Variants in SNTG2 observed in about 807,000 individuals in gnomAD.
The protein encoded by SNTG2 is gamma-2-syntrophin.
A neutral mutation model predicts 70.9 loss-of-function variants in SNTG2; 74 were observed. That is an observed-to-expected ratio of 1.04 (90% CI 0.86 to 1.27). The LOEUF is 1.27. Ranked by LOEUF, SNTG2 falls within the 50% of genes most tolerant of loss-of-function variation. The probability of loss-of-function intolerance (pLI) is 0.00; values close to 1 mark genes in which losing one functional copy is unlikely to be tolerated. For synonymous variants in SNTG2, 278 were observed against 273.8 expected (o/e 1.02, Z -0.15); for missense variants, 717 against 690.7 (o/e 1.04, Z -0.43).
chr2:1,000,563 T>C (rs1402288212), intron 1 of SNTG2, among the ~76,000 whole-genome samples: 1 of 151,702 alleles, frequency 6.6e-6, no homozygotes, highest in Non-Finnish European at 1.5e-5. Flanking sequence ...CCTCTCAATA[T>C]TGAACCAGGA....
At chr2:1,347,930 G>A (rs1464669818) in intron 16 of SNTG2, among the ~76,000 whole-genome samples, 1 of 151,752 alleles carries the variant, frequency 6.6e-6, no homozygotes, top group Non-Finnish European at 1.5e-5. Flanking sequence ...GTAGCTTATG[G>A]TATTTAATTT....
intron 14 of SNTG2, among the ~76,000 whole-genome samples, chr2:1,288,836 CACTT>C (rs1679875115): frequency 6.6e-6 from 1 of 152,128 alleles, no homozygotes; most frequent in Non-Finnish European, 1.5e-5. Context: ...TTTGTGTACA[CACTT>C]ACACCTATGC....
intron 16 of SNTG2, among the ~76,000 whole-genome samples, chr2:1,320,534 C>CAAA (rs35391780): frequency 1.1e-4 from 10 of 89,440 alleles, no homozygotes; most frequent in East Asian, 4.0e-4. Context: ...GACTCCTTCT[C>CAAA]AAAAAAAAAA....
intron 6 of SNTG2, among the ~76,000 whole-genome samples, chr2:1,143,591 AAT>A (rs1668893970): frequency 6.6e-6 from 1 of 151,466 alleles, no homozygotes; most frequent in African/African-American, 2.4e-5. Context: ...ATATTTGGCC[AAT>A]GTCAGTGACT....
chr2:1,293,802 A>C (rs1198868184), intron 14 of SNTG2, among the ~76,000 whole-genome samples: 1 of 152,164 alleles, frequency 6.6e-6, no homozygotes, highest in Non-Finnish European at 1.5e-5. Context: ...TGATATCTAC[A>C]TGGGAGAAGT....
At position 1,125,194 on chromosome 2, in the gene SNTG2, C is replaced by A. The variant is rs6548191; in HGVS notation, c.326-12428C>A. ...TTATTTAAAAGTCTTCATTTTAATA[C>A]GCTAAATATTCAGTTACTATAAATA... On this transcript the variant is annotated intron_variant, in intron 4 of 16. Coordinates refer to ENST00000308624, the MANE Select transcript of SNTG2 (RefSeq NM_018968.4). Among the ~76,000 whole-genome samples the A allele has an allele frequency of 8.6e-5, 13 of 151,900 alleles. No individual in the cohort carries two copies. The South Asian group carries it at 1.9e-3, about 22-fold the overall frequency.
chr2:1,355,099 G>A (rs1449681416), intron 16 of SNTG2, among the ~76,000 whole-genome samples: 4 of 152,198 alleles, frequency 2.6e-5, no homozygotes, highest in Non-Finnish European at 5.9e-5. Context: ...ATTTCACACC[G>A]TGGTTCTTAT....
intron 8 of SNTG2, among the ~76,000 whole-genome samples, chr2:1,208,774 T>C (rs1048075293): frequency 6.6e-6 from 1 of 152,166 alleles, no homozygotes; most frequent in African/African-American, 2.4e-5. Flanking sequence ...GTTTTGGTTT[T>C]GCGTCTTTCT....
At chr2:1,197,035 G>A (rs1191233378) in intron 8 of SNTG2, among the ~76,000 whole-genome samples, 3 of 152,038 alleles carry the variant, frequency 2.0e-5, no homozygotes, top group African/African-American at 7.2e-5. Flanking sequence ...GATAAACAAT[G>A]AGAGAGAAAG....
chr2:1,137,847 T>C (rs1415916575), intron 6 of SNTG2, 38 bp downstream of exon 6: 1 of 1,549,754 alleles, frequency 6.5e-7, no homozygotes, highest in Admixed American at 1.7e-5. Context: ...CTGTTTATTA[T>C]TCTTGTATTT....
chr2:1,192,699 A>G (rs1472807335), intron 8 of SNTG2, among the ~76,000 whole-genome samples: 3 of 152,114 alleles, frequency 2.0e-5, no homozygotes, highest in East Asian at 3.9e-4. Flanking sequence ...TCCAAGGGAA[A>G]ACATACTAAG....
In SNTG2 at chr2:996,673, GTTTTTTTTTTTTT is replaced by G; in HGVS notation, c.72+45624_72+45636del. 4.3e-3 allele frequency among the ~76,000 whole-genome samples: 150 copies of G among 35,100 alleles called. 5 individuals are homozygous for G. The highest frequency in any genetic ancestry group is 2.5e-3 in the East Asian group (2 of 798). 23.0% of individuals were successfully genotyped at this position (35,100 alleles called of 152,430 possible). A position where few individuals can be genotyped will look rare whatever the true frequency, so the allele number is the denominator to read the frequency against. Reference sequence around the variant, plus strand: ...ATATTGCTTGTATTTGAGTTACCCAGTTTTTTTTTTTTTTTTTTTTTTTTTTTTTTTACTACCA... The same window carrying G: ...ATATTGCTTGTATTTGAGTTACCCAGTTTTTTTTTTTTTTTTTTACTACCA... On this transcript the variant is annotated intron_variant, in intron 1 of 16. Transcript: ENST00000308624.
intron 1 of SNTG2, among the ~76,000 whole-genome samples, chr2:1,064,060 T>TTACG (rs1192913526): frequency 5.9e-5 from 9 of 152,122 alleles, no homozygotes; most frequent in African/African-American, 2.2e-4. Context: ...GATAAAATAC[T>TTACG]TACGTAGAAA....
chr2:1,307,435 C>CTG (rs35500323), intron 14 of SNTG2, among the ~76,000 whole-genome samples: 2,213 of 138,664 alleles, frequency 0.016, 21 homozygotes, highest in Non-Finnish European at 0.018. Context: ...GAGCCGTGTA[C>CTG]TGTGTGTGTG....
At chr2:965,227 C>T (rs1376981857) in intron 1 of SNTG2, among the ~76,000 whole-genome samples, 6 of 139,510 alleles carry the variant, frequency 4.3e-5, no homozygotes, top group Admixed American at 1.5e-4. Context: ...TCCTCCTGGT[C>T]CCCAGTCCTC....
chr2:955,173 C>T (rs1027341463), intron 1 of SNTG2, among the ~76,000 whole-genome samples: 8 of 152,220 alleles, frequency 5.3e-5, no homozygotes, highest in African/African-American at 1.9e-4. Context: ...ATGTCATTCA[C>T]TTCTCTGGAC....
At chr2:1,059,590 G>T (rs68084624) in intron 1 of SNTG2, among the ~76,000 whole-genome samples, 10 of 151,912 alleles carry the variant, frequency 6.6e-5, no homozygotes, top group African/African-American at 9.6e-5. Context: ...ATCTAAATAC[G>T]TTTTTTTATT....
At chr2:1,339,932 T>G (rs576972646) in intron 16 of SNTG2, among the ~76,000 whole-genome samples, 1 of 152,282 alleles carries the variant, frequency 6.6e-6, no homozygotes, top group Non-Finnish European at 1.5e-5. Context: ...AGAAACTGCT[T>G]AAGGCCTCGC....
intron 1 of SNTG2, among the ~76,000 whole-genome samples, chr2:977,994 AG>A (rs1660969410): frequency 6.6e-6 from 1 of 152,210 alleles, no homozygotes; most frequent in Non-Finnish European, 1.5e-5. Flanking sequence ...GATTTCATGA[AG>A]GTTATCAAAA....
Sources: gnomAD v4.1 joint callset for allele counts (sites outside exome capture counted in the v4.1 genomes callset) on GRCh38, gnomAD v4.1.1 for gene constraint, MANE v1.5 for transcripts, NCBI Gene and HGNC (gene_info 2026-07-23, HGNC 2026-07-21) for gene names.